Variants in SNTG1 observed in about 807,000 individuals in gnomAD.
SNTG1 encodes the protein syntrophin gamma 1, also known as gamma-1-syntrophin.
A neutral mutation model predicts 74.7 loss-of-function variants in SNTG1; 39 were observed. The observed-to-expected ratio is 0.52, with a 90% CI of 0.40 to 0.68. SNTG1 has a LOEUF of 0.68. Among genes scored for constraint, SNTG1 ranks in the 30% least tolerant of loss-of-function variants. The pLI, the probability that SNTG1 is intolerant of heterozygous loss-of-function variation, is 0.00. For synonymous variants in SNTG1, 254 were observed against 217.1 expected, an observed-to-expected ratio of 1.17 and a Z score of -1.49; for missense variants, 685 against 609.5, an observed-to-expected ratio of 1.12 and a Z score of -1.30.
At chr8:50,259,579 T>A (rs1023640994) in intron 2 of SNTG1, among the ~76,000 whole-genome samples, 735 of 124,898 alleles carry the variant, frequency 5.9e-3, no homozygotes, top group Middle Eastern at 8.9e-3. Context: ...AAAGAGAAAA[T>A]AAAGAAGAAA....
intron 1 of SNTG1, among the ~76,000 whole-genome samples, chr8:49,992,937 T>C (rs927270115): frequency 2.6e-5 from 4 of 152,208 alleles, no homozygotes; most frequent in Admixed American, 2.0e-4. Flanking sequence ...CTTTCTTGGC[T>C]AGAGATTAAA....
chr8:50,238,736 G>C (rs2086032695), intron 2 of SNTG1, among the ~76,000 whole-genome samples: 1 of 152,006 alleles, frequency 6.6e-6, no homozygotes, highest in African/African-American at 2.4e-5. Flanking sequence ...TATTTGCAAA[G>C]TATGCTTCTG....
intron 1 of SNTG1, among the ~76,000 whole-genome samples, chr8:50,062,624 A>G (rs1185681486): frequency 6.6e-6 from 1 of 151,984 alleles, no homozygotes; most frequent in Non-Finnish European, 1.5e-5. Context: ...TTTACTCACA[A>G]CCTACTTGTG....
At chr8:49,938,742 T>A (rs1313467198) in intron 1 of SNTG1, among the ~76,000 whole-genome samples, 1 of 150,906 alleles carries the variant, frequency 6.6e-6, no homozygotes, top group Non-Finnish European at 1.5e-5. Context: ...AAGAGTTTAT[T>A]TTTTTCCTAT....
At chr8:50,604,889 A>G (rs1022070791) in intron 13 of SNTG1, among the ~76,000 whole-genome samples, 2 of 152,162 alleles carry the variant, frequency 1.3e-5, no homozygotes, top group Non-Finnish European at 2.9e-5. Flanking sequence ...GGGTGTCACC[A>G]AAGGCCATGG....
intron 1 of SNTG1, among the ~76,000 whole-genome samples, chr8:50,046,804 G>T (rs1199943789): frequency 1.3e-5 from 2 of 152,102 alleles, no homozygotes; most frequent in Non-Finnish European, 2.9e-5. Context: ...CTGATTTTTT[G>T]ATATGTTATG....
At chr8:50,775,878 C>A (rs2131805941) in intron 18 of SNTG1, among the ~76,000 whole-genome samples, 1 of 151,586 alleles carries the variant, frequency 6.6e-6, no homozygotes, top group Non-Finnish European at 1.5e-5. Flanking sequence ...CTCATTTCAT[C>A]CAATAATTTT....
chr8:50,620,385 G>T (rs1022112453), intron 13 of SNTG1, among the ~76,000 whole-genome samples: 3 of 152,144 alleles, frequency 2.0e-5, no homozygotes, highest in Non-Finnish European at 4.4e-5. Context: ...CTGAAATTCA[G>T]GGTCATGTCA....
At chr8:49,953,845 A>T (rs1809936358) in intron 1 of SNTG1, among the ~76,000 whole-genome samples, 1 of 152,174 alleles carries the variant, frequency 6.6e-6, no homozygotes, top group African/African-American at 2.4e-5. Context: ...CTGTCTGTGA[A>T]AAAGGTACTA....
chr8:50,754,983 T>C (rs2095576693), intron 18 of SNTG1, among the ~76,000 whole-genome samples: 1 of 151,804 alleles, frequency 6.6e-6, no homozygotes, highest in African/African-American at 2.4e-5. Context: ...CACAGCAAAG[T>C]TGAGTGTAAG....
At chr8:50,343,145 T>C (rs2091368365) in intron 2 of SNTG1, among the ~76,000 whole-genome samples, 1 of 152,156 alleles carries the variant, frequency 6.6e-6, no homozygotes, top group South Asian at 2.1e-4. Flanking sequence ...ATGTCGCTCA[T>C]AGGAATTGCA....
intron 2 of SNTG1, among the ~76,000 whole-genome samples, chr8:50,303,809 C>A (rs1157189763): frequency 6.6e-6 from 1 of 152,088 alleles, no homozygotes; most frequent in Non-Finnish European, 1.5e-5. Flanking sequence ...CAAATGTAGT[C>A]ATTTCAGAGT....
chr8:50,592,880 C>T (rs1017164297), intron 13 of SNTG1, among the ~76,000 whole-genome samples: 3 of 152,020 alleles, frequency 2.0e-5, no homozygotes, highest in Admixed American at 2.0e-4. Flanking sequence ...CCATTGTGTA[C>T]ATGAAGAATT....
At chr8:50,702,011 C>T (rs147224235) in intron 15 of SNTG1, among the ~76,000 whole-genome samples, 2,456 of 151,820 alleles carry the variant, frequency 0.016, 28 homozygotes, top group Non-Finnish European at 0.024. Flanking sequence ...CCACCATGTC[C>T]GGCTAATTTT....
At chr8:50,037,453 C>A (rs1025046134) in intron 1 of SNTG1, among the ~76,000 whole-genome samples, 5 of 151,996 alleles carry the variant, frequency 3.3e-5, no homozygotes, top group African/African-American at 1.2e-4. Context: ...CTGGTTCACT[C>A]GTGCTCCCTA....
At chr8:50,750,845 T>TAGC (rs1010219819) in intron 17 of SNTG1, among the ~76,000 whole-genome samples, 1 of 152,032 alleles carries the variant, frequency 6.6e-6, no homozygotes. Flanking sequence ...TTCATTGCAA[T>TAGC]ACTTGCTGTT....
chr8:50,207,105 C>G (rs983073982), intron 2 of SNTG1, among the ~76,000 whole-genome samples: 1 of 152,130 alleles, frequency 6.6e-6, no homozygotes. Context: ...AGGATTCCCT[C>G]TTTTTCTATT....
At position 50,341,285 on chromosome 8, in the gene SNTG1, G is replaced by A. The variant is rs559107420; in HGVS notation, c.-27-52927G>A. Among the ~76,000 whole-genome samples, 7 of 151,976 alleles carry A rather than the reference G, an allele frequency of 4.6e-5. No individual in the cohort carries two copies. The East Asian group carries it at 9.7e-4, about 21-fold the overall frequency. ...TAAAATAGGCAATTAATATTGTGGA[G>A]TTCAAACATGGGACAAATAAGAGTT... On this transcript the variant is annotated intron_variant, in intron 2 of 18. Transcript: ENST00000642720.
chr8:50,764,737 G>A (rs1435725638), intron 18 of SNTG1, among the ~76,000 whole-genome samples: 1 of 151,836 alleles, frequency 6.6e-6, no homozygotes, highest in Non-Finnish European at 1.5e-5. Flanking sequence ...AACTGAAATA[G>A]AACCACCACT....
Sources: allele counts gnomAD v4.1 joint callset (sites outside exome capture counted in the v4.1 genomes callset), GRCh38; gene constraint gnomAD v4.1.1; transcripts MANE v1.5; gene names NCBI Gene and HGNC (gene_info 2026-07-23, HGNC 2026-07-21).